SRSF10: variants seen among roughly 807,000 people sequenced by gnomAD.
SRSF10 encodes serine/arginine-rich splicing factor 10.
A neutral mutation model predicts 32.6 loss-of-function variants in SRSF10; 9 were observed. That is an observed-to-expected ratio of 0.28 (90% CI 0.17 to 0.48). The LOEUF (loss-of-function observed/expected upper bound fraction) is 0.48. Among genes scored for constraint, SRSF10 ranks in the 20% least tolerant of loss-of-function variants. The probability of loss-of-function intolerance (pLI) is 0.99; values close to 1 mark genes in which losing one functional copy is unlikely to be tolerated. For missense variants in SRSF10, 201 were observed against 331.8 expected (o/e 0.61, Z 3.06); for synonymous variants, 105 against 112.4 (o/e 0.93, Z 0.42).
Position 23,965,729 on chromosome 1 carries a change from ATAAT to A in SRSF10, c.*5409_*5412del, listed in dbSNP as rs1466733071. 1 of 151,956 alleles carries A rather than the reference ATAAT, an allele frequency of 6.6e-6. No homozygotes were observed. The highest frequency in any genetic ancestry group is 1.5e-5 in the Non-Finnish European group (1 of 67,848). The allele number at this position is 151,956 out of a possible 1,614,324, so 9.4% of individuals were successfully genotyped here. On this transcript the variant is annotated 3_prime_UTR_variant, in exon 6 of 6. Transcript: ENST00000492112. ...ATTAAAGGGCCTTTTCTGATTTACC[ATAAT>A]TAAATATTTTAGAGAACTACCAACT...
In SRSF10 at chr1:23,968,096, G is replaced by A. The variant is rs2148494427; in HGVS notation, c.*3046C>T. The A allele has an allele frequency of 1.4e-6, 2 of 1,422,130 alleles. No individual in the cohort carries two copies. Among genetic ancestry groups the A allele is most frequent in the Admixed American group, 2.5e-5 (1 of 39,864 alleles). 88.1% of individuals were successfully genotyped at this position (1,422,130 alleles called of 1,614,324 possible). A position where few individuals can be genotyped will look rare whatever the true frequency, so the allele number is the denominator to read the frequency against. ...ACACAGTAGGTAAACTCAGTAAGTG[G>A]GGGACTCAACTACATCACCCAAAAC... On this transcript the variant is annotated 3_prime_UTR_variant, in exon 6 of 6. Transcript: ENST00000492112.
In SRSF10 at chr1:23,974,877, GT is replaced by G. The variant is rs1641993253; in HGVS notation, c.274+96del. The G allele has an allele frequency of 6.6e-6, 6 of 904,590 alleles. 1 individual carries two copies. The South Asian group carries it at 7.4e-5, about 11-fold the overall frequency. 56.0% of individuals were successfully genotyped at this position (904,590 alleles called of 1,614,324 possible). On this transcript the variant is annotated intron_variant, in intron 3 of 5. Transcript: ENST00000492112. ...AGAAAGAAAAAAAAGATCCCTTTGG[GT>G]TTTGAACAGAAACACAAATTGCTTA... is the stretch of plus-strand genomic sequence containing the variant.
intron 2 of SRSF10, 46 bp downstream of exon 2, chr1:23,978,667 C>T: frequency 6.4e-7 from 1 of 1,559,390 alleles, no homozygotes; most frequent in South Asian, 1.2e-5. Flanking sequence ...ACTTGAATTT[C>T]AAACTTCAAC....
At chr1:23,976,649 G>C (rs1048079614) in intron 2 of SRSF10, 10 of 152,138 alleles carry the variant, frequency 6.6e-5, no homozygotes, top group African/African-American at 2.4e-4. Context: ...CCTCTCTGGG[G>C]CTACCCTCGA....
In SRSF10 at chr1:23,967,312, C is replaced by T. The variant is rs1641500547; in HGVS notation, c.*3830G>A. 5.1e-6 allele frequency: 1 copy of T among 195,098 alleles called. No homozygotes were observed. The highest frequency in any genetic ancestry group is 1.8e-4 in the South Asian group (1 of 5,558). 12.1% of individuals were successfully genotyped at this position (195,098 alleles called of 1,614,324 possible). On this transcript the variant is annotated 3_prime_UTR_variant, in exon 6 of 6. Coordinates refer to ENST00000492112, the MANE Select transcript of SRSF10 (RefSeq NM_054016.4). Reference sequence around the variant, plus strand: ...GGACCATACCTTTTCCCACCCAATTCAGTTTGAGACAGACCAACAGAGGCA... The same window carrying T: ...GGACCATACCTTTTCCCACCCAATTTAGTTTGAGACAGACCAACAGAGGCA...
At chr1:23,980,150 G>A in intron 1 of SRSF10, 41 bp downstream of exon 1, 3 of 1,525,084 alleles carry the variant, frequency 2.0e-6, no homozygotes, top group South Asian at 2.4e-5. Context: ...AGGCGCCTGC[G>A]GCCTCCCCGC....
rs1483230609 is a variant in SRSF10 at position 23,966,222 on chromosome 1, CAAT to C, written c.*4917_*4919del. 2 of 151,792 alleles carry C rather than the reference CAAT, an allele frequency of 1.3e-5. No individual in the cohort carries two copies. Among genetic ancestry groups the C allele is most frequent in the East Asian group, 1.9e-4 (1 of 5,194 alleles). The allele number at this position is 151,792 out of a possible 1,614,324, so 9.4% of individuals were successfully genotyped here. Reference sequence around the variant, plus strand: ...CAAAATTTCTAAAATAAAATACAAACAATAATACCTCCATTTCACACCTCCCTT... The same window carrying C: ...CAAAATTTCTAAAATAAAATACAAACAATACCTCCATTTCACACCTCCCTT... On this transcript the variant is annotated 3_prime_UTR_variant, in exon 6 of 6. Transcript: ENST00000492112.
chr1:23,970,062 G>C lies in SRSF10; in HGVS notation c.*1080C>G, dbSNP rs1390702789. ...GAAACAATTTACTTACTTAACAGCA[G>C]TAAGAAAACTAAGCAATATTATGGT... On this transcript the variant is annotated 3_prime_UTR_variant, in exon 6 of 6. Transcript: ENST00000492112. 11 of 985,232 alleles carry C rather than the reference G, an allele frequency of 1.1e-5. No individual in the cohort carries two copies. The highest frequency in any genetic ancestry group is 1.3e-5 in the Non-Finnish European group (11 of 829,894). The allele number at this position is 985,232 out of a possible 1,614,324, so 61.0% of individuals were successfully genotyped here.
At chr1:23,980,054 G>T (rs3123472) in intron 1 of SRSF10, 137 bp downstream of exon 1, 1 of 973,462 alleles carries the variant, frequency 1.0e-6, no homozygotes, top group Non-Finnish European at 1.5e-6. Flanking sequence ...GCGCGGCCTA[G>T]TTCGGCGCCA....
chr1:23,972,114 A>C, intron 3 of SRSF10, 102 bp from the exon 4 acceptor site: 4 of 1,031,368 alleles, frequency 3.9e-6, no homozygotes, highest in African/African-American at 1.7e-5. Context: ...TTATATCCCA[A>C]AGAGAGTATG....
intron 5 of SRSF10, 27 bp from the exon 6 acceptor site, chr1:23,971,466 T>TA: frequency 6.3e-7 from 1 of 1,592,142 alleles, no homozygotes; most frequent in Non-Finnish European, 8.5e-7. Context: ...GAGATATAAT[T>TA]AGAGTAAAAA....
rs1353708780 is a variant in SRSF10 at position 23,968,410 on chromosome 1, A to C, written c.*2732T>G. Among the ~76,000 whole-genome samples the C allele has an allele frequency of 1.3e-5, 2 of 152,148 alleles. No homozygotes were observed. The highest frequency in any genetic ancestry group is 2.4e-5 in the African/African-American group (1 of 41,436). On this transcript the variant is annotated 3_prime_UTR_variant, in exon 6 of 6. Coordinates refer to ENST00000492112, the MANE Select transcript of SRSF10 (RefSeq NM_054016.4). Reference sequence around the variant, plus strand: ...AACAAACAAAACCCCCCCAAAACTAAGGGACCAGGCCTGGGCTTAAATCCT... The same window carrying C: ...AACAAACAAAACCCCCCCAAAACTACGGGACCAGGCCTGGGCTTAAATCCT...
chr1:23,980,107 C>T (rs1444436189), intron 1 of SRSF10, 84 bp downstream of exon 1: 2 of 1,398,566 alleles, frequency 1.4e-6, no homozygotes, highest in Non-Finnish European at 1.9e-6. Flanking sequence ...TCCCCTCCCC[C>T]GGCCCAGTGC....
intron 3 of SRSF10, among the ~76,000 whole-genome samples, chr1:23,974,458 C>A (rs1641960657): frequency 6.6e-6 from 1 of 152,212 alleles, no homozygotes; most frequent in Admixed American, 6.5e-5. Flanking sequence ...CCACCTCCTA[C>A]TTACACTTAC....
Position 23,967,780 on chromosome 1 carries a change from T to C in SRSF10, c.*3362A>G, listed in dbSNP as rs1641522329. The C allele has an allele frequency of 6.2e-7, 1 of 1,601,732 alleles. No individual in the cohort carries two copies. Among genetic ancestry groups the C allele is most frequent in the Non-Finnish European group, 8.5e-7 (1 of 1,173,492 alleles). On this transcript the variant is annotated 3_prime_UTR_variant, in exon 6 of 6. Coordinates refer to ENST00000492112, the MANE Select transcript of SRSF10 (RefSeq NM_054016.4). ...GTTTCCTTTATTCTTCTCTGTGGTATACAGGATTTTGTTAGTTGAACTGGA... is the reference window on the plus strand; with the variant it reads ...GTTTCCTTTATTCTTCTCTGTGGTACACAGGATTTTGTTAGTTGAACTGGA...
rs1265178467 is a variant in SRSF10, at chr1:23,970,220, G to C, written c.*922C>G. The C allele has an allele frequency of 1.0e-6, 1 of 985,042 alleles. No homozygotes were observed. The highest frequency in any genetic ancestry group is 1.8e-5 in the African/African-American group (1 of 57,128). The allele number at this position is 985,042 out of a possible 1,614,324, so 61.0% of individuals were successfully genotyped here. A position where few individuals can be genotyped will look rare whatever the true frequency, so the allele number is the denominator to read the frequency against. On this transcript the variant is annotated 3_prime_UTR_variant, in exon 6 of 6. Transcript: ENST00000492112. ...TTTTCTATGTTCCAAATCTTCATAG[G>C]AACCAGAAAAAAAGCAGTGAAGGCT...
chr1:23,974,909 T>A, intron 3 of SRSF10, 65 bp downstream of exon 3: 1 of 1,242,052 alleles, frequency 8.1e-7, no homozygotes, highest in Admixed American at 2.0e-5. Flanking sequence ...GCTTAAATTC[T>A]TAAAAAAAAA....
At chr1:23,974,037 T>C (rs897036087) in intron 3 of SRSF10, among the ~76,000 whole-genome samples, 5 of 150,636 alleles carry the variant, frequency 3.3e-5, no homozygotes, top group Admixed American at 2.0e-4. Flanking sequence ...TGTTGCCCAG[T>C]CTGGAGTGCA....
chr1:23,975,241 T>C (rs1356542405), intron 2 of SRSF10, 164 bp from the exon 3 acceptor site: 5 of 615,454 alleles, frequency 8.1e-6, no homozygotes, highest in African/African-American at 7.4e-5. Flanking sequence ...TCATTAACAC[T>C]TCACACTATA....
Sources: gnomAD v4.1 joint callset for allele counts (sites outside exome capture counted in the v4.1 genomes callset) on GRCh38, gnomAD v4.1.1 for gene constraint, MANE v1.5 for transcripts, NCBI Gene and HGNC (gene_info 2026-07-23, HGNC 2026-07-21) for gene names.